COL21A1: variants seen among roughly 807,000 people sequenced by gnomAD.
COL21A1 encodes collagen alpha-1(XXI) chain.
In COL21A1, 149 loss-of-function variants were observed where a neutral mutation model predicts 137.9. That is an observed-to-expected ratio of 1.08 (90% CI 0.95 to 1.24). The LOEUF (loss-of-function observed/expected upper bound fraction) is 1.24, where lower values mean the gene tolerates loss of function less well. Ranked by LOEUF, COL21A1 falls within the 50% of genes most tolerant of loss-of-function variation. The probability of loss-of-function intolerance (pLI) is 0.00; values close to 1 mark genes in which losing one functional copy is unlikely to be tolerated. For synonymous variants in COL21A1, 456 were observed against 391.5 expected (o/e 1.16, Z -1.95); for missense variants, 1,167 against 1,158.4 (o/e 1.01, Z -0.11).
At chr6:56,221,553 C>T (rs1341173605) in intron 1 of COL21A1, among the ~76,000 whole-genome samples, 1 of 151,880 alleles carries the variant, frequency 6.6e-6, no homozygotes, top group Non-Finnish European at 1.5e-5. Flanking sequence ...CAAGACCCTG[C>T]CTCTATAAAA....
intron 1 of COL21A1, among the ~76,000 whole-genome samples, chr6:56,254,677 G>T (rs1310833631): frequency 6.6e-6 from 1 of 152,058 alleles, no homozygotes. Context: ...GAAGTTATTT[G>T]GTGTGTTTTT....
intron 1 of COL21A1, among the ~76,000 whole-genome samples, chr6:56,313,748 A>C (rs1764664757): frequency 6.6e-6 from 1 of 152,142 alleles, no homozygotes; most frequent in African/African-American, 2.4e-5. Context: ...TGAGTTCAAC[A>C]TACAACCATT....
intron 1 of COL21A1, among the ~76,000 whole-genome samples, chr6:56,318,535 C>A (rs1284046442): frequency 1.3e-5 from 2 of 152,108 alleles, no homozygotes; most frequent in Admixed American, 6.6e-5. Context: ...ATAAAATAAG[C>A]CATCAGGAGA....
At chr6:56,286,820 C>A (rs1331357125) in intron 1 of COL21A1, among the ~76,000 whole-genome samples, 2 of 152,068 alleles carry the variant, frequency 1.3e-5, no homozygotes, top group Non-Finnish European at 2.9e-5. Context: ...TGAGAAGGGG[C>A]CATCATCTCC....
At chr6:56,287,509 G>A (rs1763944098) in intron 1 of COL21A1, among the ~76,000 whole-genome samples, 1 of 151,990 alleles carries the variant, frequency 6.6e-6, no homozygotes, top group Non-Finnish European at 1.5e-5. Flanking sequence ...ATTTACAAGT[G>A]TATAGCACCT....
chr6:56,057,667 G>T lies in COL21A1; in HGVS notation c.2864C>A (p.Pro955Gln). Residue 955 changes from proline to glutamine, a missense_variant, in exon 30 of 30, where the codon CCA (proline) becomes CAA (glutamine). By Grantham distance (76) the Pro-to-Gln change is moderately conservative. Transcript: ENST00000244728. Reference sequence around the variant, plus strand: ...ATGAGGCATCAGACACTAATAGTTTGGTCCTTTTCTGAACGGATCTCTTCT... The same window carrying T: ...ATGAGGCATCAGACACTAATAGTTTTGTCCTTTTCTGAACGGATCTCTTCT... ...IARRDPFRKG[P>Q]NY 1.9e-6 allele frequency: 3 copies of T among 1,612,892 alleles called. No homozygotes were observed. Among genetic ancestry groups the T allele is most frequent in the Non-Finnish European group, 1.7e-6 (2 of 1,179,484 alleles).
In COL21A1 at chr6:56,170,843, G is replaced by A; in HGVS notation, c.832C>T (p.Pro278Ser). ...LTSNVFPEGL[P>S]PSYVFVSTQR... is the part of the protein sequence containing the mutation. ...GTAGACACAAATACATATGATGGAGGAAGACCTTCTGGGAAAACATTGCTA... is the reference window on the plus strand; with the variant it reads ...GTAGACACAAATACATATGATGGAGAAAGACCTTCTGGGAAAACATTGCTA... Residue 278 changes from proline (P) to serine (S), a missense_variant, in exon 5 of 30, where the codon CCT becomes TCT. Physicochemically the swap from Pro to Ser is moderately conservative, Grantham distance 74. Transcript: ENST00000244728. 1.2e-6 allele frequency: 2 copies of A among 1,610,404 alleles called. No homozygotes were observed. Among genetic ancestry groups the A allele is most frequent in the Non-Finnish European group, 1.7e-6 (2 of 1,177,990 alleles).
chr6:56,167,818 A>G (rs1469395531), intron 6 of COL21A1, among the ~76,000 whole-genome samples: 2 of 152,142 alleles, frequency 1.3e-5, no homozygotes, highest in Admixed American at 6.5e-5. Context: ...TTCTTTTCCA[A>G]ATTTATTACT....
rs186794473 is a variant in COL21A1 at position 56,244,737 on chromosome 6, G to A, written c.-39+2650C>T. 2.3e-3 allele frequency among the ~76,000 whole-genome samples: 347 copies of A among 152,194 alleles called. 5 individuals carry two copies. Among genetic ancestry groups the A allele is most frequent in the Admixed American group, 2.9e-3 (44 of 15,290 alleles). On this transcript the variant is annotated intron_variant, in intron 1 of 29. Transcript: ENST00000244728. The stretch of plus-strand genomic sequence containing the variant: ...TCTTGCATTTAAAGATGCCAGATGA[G>A]TCATAAAAGGCATTCTCAGTAATAC...
intron 1 of COL21A1, among the ~76,000 whole-genome samples, chr6:56,206,213 A>G (rs962661088): frequency 1.3e-5 from 2 of 152,074 alleles, no homozygotes; most frequent in African/African-American, 4.8e-5. Flanking sequence ...GTCAAGACCC[A>G]TCAGTGTGCT....
intron 1 of COL21A1, among the ~76,000 whole-genome samples, chr6:56,235,762 A>G (rs944333354): frequency 3.3e-5 from 5 of 151,886 alleles, no homozygotes; most frequent in Non-Finnish European, 7.4e-5. Flanking sequence ...TGGCTTGCAA[A>G]TTAAATTTCT....
At chr6:56,227,165 C>A (rs993484610) in intron 1 of COL21A1, among the ~76,000 whole-genome samples, 2 of 151,902 alleles carry the variant, frequency 1.3e-5, no homozygotes. Context: ...TTGGCAGCTG[C>A]ACATTCAATG....
chr6:56,380,925 C>T (rs1361391485), intron 1 of COL21A1, among the ~76,000 whole-genome samples: 2 of 152,036 alleles, frequency 1.3e-5, no homozygotes, highest in African/African-American at 4.8e-5. Flanking sequence ...AATATGTATT[C>T]GGTAAGGTGT....
chr6:56,059,085 A>G (rs553329032), intron 29 of COL21A1, 80 bp downstream of exon 29: 16 of 1,085,524 alleles, frequency 1.5e-5, no homozygotes, highest in Admixed American at 6.0e-5. Flanking sequence ...CTCAGTTTCA[A>G]TTTATTTCAC....
In COL21A1 at chr6:56,126,106, G is replaced by T; in HGVS notation, c.1586C>A (p.Pro529Gln). Residue 529 changes from proline (P) to glutamine (Q), a missense_variant, in exon 13 of 30, where the codon CCA becomes CAA. Pro to Gln is a moderately conservative substitution (Grantham distance 76). Transcript: ENST00000244728. ...LPGFPGLHGM[P>Q]GSKGEMGAKG... ...ACAGATTTCTTCAACCTTTGATCCTGGCATGCCATGAAGCCCAGGAAAACC... is the reference window on the plus strand; with the variant it reads ...ACAGATTTCTTCAACCTTTGATCCTTGCATGCCATGAAGCCCAGGAAAACC... 1 of 1,545,274 alleles carries T rather than the reference G, an allele frequency of 6.5e-7. No individual in the cohort carries two copies. Among genetic ancestry groups the T allele is most frequent in the South Asian group, 1.2e-5 (1 of 82,630 alleles).
At position 56,388,828 on chromosome 6, in the gene COL21A1, G is replaced by A. The variant is rs368483712; in HGVS notation, c.-39+5143C>T. Among the ~76,000 whole-genome samples the A allele has an allele frequency of 9.8e-5, 15 of 152,306 alleles. 1 individual carries two copies. Among genetic ancestry groups the A allele is most frequent in the African/African-American group, 3.6e-4 (15 of 41,560 alleles). On this transcript the variant is annotated intron_variant, in intron 1 of 28. Transcript: ENST00000370819. ...GACCAATCTCAGAGTAATAGACTATGTGACCTTTCAGACAGAATTCAAAAC... is the reference window on the plus strand; with the variant it reads ...GACCAATCTCAGAGTAATAGACTATATGACCTTTCAGACAGAATTCAAAAC...
At chr6:56,348,642 T>C (rs997631484) in intron 1 of COL21A1, among the ~76,000 whole-genome samples, 2 of 152,058 alleles carry the variant, frequency 1.3e-5, no homozygotes, top group African/African-American at 4.8e-5. Context: ...AAAGAGCCAA[T>C]AACAGAAGTC....
At chr6:56,105,938 C>A (rs1340748407) in intron 16 of COL21A1, among the ~76,000 whole-genome samples, 1 of 152,176 alleles carries the variant, frequency 6.6e-6, no homozygotes, top group East Asian at 1.9e-4. Flanking sequence ...CACTCTGCAT[C>A]CACCATACTG....
chr6:56,282,849 C>A (rs1763813211), intron 1 of COL21A1, among the ~76,000 whole-genome samples: 1 of 152,184 alleles, frequency 6.6e-6, no homozygotes, highest in Non-Finnish European at 1.5e-5. Context: ...TACTGAAAAT[C>A]ACATTCAAAC....
Sources: allele counts gnomAD v4.1 joint callset (sites outside exome capture counted in the v4.1 genomes callset), GRCh38; gene constraint gnomAD v4.1.1; transcripts MANE v1.5; gene names NCBI Gene and HGNC (gene_info 2026-07-23, HGNC 2026-07-21).